Variants in USP6NL observed in about 807,000 individuals in gnomAD.
USP6NL encodes the protein USP6 N-terminal like, also known as USP6 N-terminal-like protein.
USP6NL carries 26 observed loss-of-function variants against 61.9 expected under a neutral mutation model. That is an observed-to-expected ratio of 0.42 (90% CI 0.31 to 0.58). The LOEUF is 0.58. Among genes scored for constraint, USP6NL ranks in the 20% least tolerant of loss-of-function variants. The pLI, the probability that USP6NL is intolerant of heterozygous loss-of-function variation, is 0.16. For synonymous variants in USP6NL, 432 were observed against 390.1 expected (o/e 1.11, Z -1.27); for missense variants, 1,114 against 1,034.3 (o/e 1.08, Z -1.06).
In USP6NL at chr10:11,561,827, C is replaced by A. The variant is rs546065052; in HGVS notation, c.5-34260G>T. Among the ~76,000 whole-genome samples the A allele has an allele frequency of 1.3e-5, 2 of 152,298 alleles. No homozygotes were observed. Among genetic ancestry groups the A allele is most frequent in the Admixed American group, 6.5e-5 (1 of 15,296 alleles). On this transcript the variant is annotated intron_variant, in intron 2 of 14. Coordinates refer to ENST00000609104, the MANE Select transcript of USP6NL (RefSeq NM_014688.5). The surrounding 1 kb of genome is among the most constrained non-coding windows in gnomAD (Gnocchi z 4.1). The stretch of plus-strand genomic sequence containing the variant: ...TGTTCTCTTACCAACAATATGTGAG[C>A]ACCTTTTTCATCACATTGAATACTG...
rs61844570 is a variant in USP6NL at position 11,537,120 on chromosome 10, G to T, written c.5-9553C>A. Among the ~76,000 whole-genome samples, 1 of 129,504 alleles carries T rather than the reference G, an allele frequency of 7.7e-6. No homozygotes were observed. Among genetic ancestry groups the T allele is most frequent in the Admixed American group, 8.1e-5 (1 of 12,278 alleles). 85.0% of individuals were successfully genotyped at this position (129,504 alleles called of 152,430 possible). On this transcript the variant is annotated intron_variant, in intron 2 of 14. Coordinates refer to ENST00000609104, the MANE Select transcript of USP6NL (RefSeq NM_014688.5). This position sits in a 1 kb window ranked among gnomAD's most constrained non-coding sequence, Gnocchi z 5.1. ...CCAGGTTTTGTTTTTGGGGGATTTT[G>T]TTTGTTTTGAGACAAGGTCTCACTC...
In USP6NL at chr10:11,490,850, G is replaced by GGCA; in HGVS notation, c.522_524dup (p.Ala175dup). 1 of 1,552,106 alleles carries GGCA rather than the reference G, an allele frequency of 6.4e-7. No individual in the cohort carries two copies. The highest frequency in any genetic ancestry group is 8.7e-7 in the Non-Finnish European group (1 of 1,148,688). On this transcript the variant is annotated inframe_insertion, in exon 9 of 15. Transcript: ENST00000609104. This position sits in a 1 kb window ranked among gnomAD's most constrained non-coding sequence, Gnocchi z 4.5. ...AACTTACCGTGTTATAAATAGAATA[G>GGCA]GCAGCAAGCACATGGAATAAGGATT... is the stretch of plus-strand genomic sequence containing the variant.
At chr10:11,502,504 G>A (rs1834243965) in intron 6 of USP6NL, among the ~76,000 whole-genome samples, 1 of 152,138 alleles carries the variant, frequency 6.6e-6, no homozygotes, top group Non-Finnish European at 1.5e-5. Flanking sequence ...TATAGCAGAA[G>A]CCCTTCAGGT....
chr10:11,525,961 A>T lies in USP6NL; in HGVS notation c.73-493T>A, dbSNP rs1245625603. 6.6e-6 allele frequency among the ~76,000 whole-genome samples: 1 copy of T among 152,150 alleles called. No individual in the cohort carries two copies. Among genetic ancestry groups the T allele is most frequent in the Non-Finnish European group, 1.5e-5 (1 of 68,016 alleles). ...TGAAACTACTCTTGCCAAAGTCAAA[A>T]ATGACCTTCCAGCAGTCAGACCTGC... On this transcript the variant is annotated intron_variant, in intron 3 of 14. Transcript: ENST00000609104. The surrounding 1 kb of genome is among the most constrained non-coding windows in gnomAD (Gnocchi z 5.0).
intron 2 of USP6NL, among the ~76,000 whole-genome samples, chr10:11,556,931 C>A (rs764053258): frequency 3.2e-4 from 49 of 152,184 alleles, no homozygotes; most frequent in Non-Finnish European, 2.4e-4. Context: ...TACCAGCCAA[C>A]TGAGGACCTG....
intron 2 of USP6NL, among the ~76,000 whole-genome samples, chr10:11,590,046 C>T (rs2133638562): frequency 6.6e-6 from 1 of 152,284 alleles, no homozygotes; most frequent in East Asian, 1.9e-4. Context: ...TTCTGGGCCA[C>T]ATTCATGATA....
chr10:11,463,249 T>C lies in USP6NL; in HGVS notation c.1679A>G (p.Asp560Gly), dbSNP rs746050192. 34 of 1,613,548 alleles carry C rather than the reference T, an allele frequency of 2.1e-5. No homozygotes were observed. Among genetic ancestry groups the C allele is most frequent in the Middle Eastern group, 1.6e-4 (1 of 6,084 alleles). The change falls in exon 15 of 15, where the codon GAC (aspartate) becomes GGC (glycine). Residue 560 changes from aspartate (D) to glycine (G), a missense_variant. Transcript: ENST00000609104. This position sits in a 1 kb window ranked among gnomAD's most constrained non-coding sequence, Gnocchi z 6.3. ...QYDNVPGPEL[D>G]SGASVEEALE... ...CGCCTCCTCCACGGAAGCGCCGCTG[T>C]CCAGCTCCGGGCCTGGCACGTTGTC...
chr10:11,556,926 G>A (rs1293753307), intron 2 of USP6NL, among the ~76,000 whole-genome samples: 1 of 152,150 alleles, frequency 6.6e-6, no homozygotes, highest in Non-Finnish European at 1.5e-5. Context: ...AAGGGTACCA[G>A]CCAACTGAGG....
Position 11,463,861 on chromosome 10 carries a change from G to A in USP6NL, c.1079-12C>T, listed in dbSNP as rs1319550658. On this transcript the variant is annotated splice_polypyrimidine_tract_variant and intron_variant, in intron 14 of 14. Coordinates refer to ENST00000609104, the MANE Select transcript of USP6NL (RefSeq NM_014688.5). This position sits in a 1 kb window ranked among gnomAD's most constrained non-coding sequence, Gnocchi z 6.3. ...TTCATCCTCTTTACCTGAAAAGAAA[G>A]AGAAAGGCTAAGTAAGATAATACAC... is the stretch of plus-strand genomic sequence containing the variant. 25 of 1,457,034 alleles carry A rather than the reference G, an allele frequency of 1.7e-5. No individual in the cohort carries two copies. In the East Asian group the frequency reaches 2.7e-4, roughly 16 times the overall value. The allele number at this position is 1,457,034 out of a possible 1,614,324, so 90.3% of individuals were successfully genotyped here. A position where few individuals can be genotyped will look rare whatever the true frequency, so the allele number is the denominator to read the frequency against.
intron 6 of USP6NL, among the ~76,000 whole-genome samples, chr10:11,508,166 C>CT (rs1198496456): frequency 3.3e-5 from 3 of 89,684 alleles, no homozygotes; most frequent in Non-Finnish European, 7.0e-5. Context: ...GTTAGATTTC[C>CT]TTTTTTTCCT....
intron 13 of USP6NL, among the ~76,000 whole-genome samples, chr10:11,483,213 G>A (rs1833278522): frequency 6.6e-6 from 1 of 151,974 alleles, no homozygotes; most frequent in Non-Finnish European, 1.5e-5. Flanking sequence ...ATACACAGCA[G>A]CAGATTTGTC....
intron 8 of USP6NL, among the ~76,000 whole-genome samples, chr10:11,492,554 G>A (rs1343728721): frequency 3.9e-5 from 6 of 152,142 alleles, no homozygotes; most frequent in Non-Finnish European, 4.4e-5. Context: ...CCTGCCCTGT[G>A]GATTTTGGCC....
rs1838680745 is a variant in USP6NL, at chr10:11,605,586, C to T, written c.-84+5857G>A. Among the ~76,000 whole-genome samples the T allele has an allele frequency of 2.0e-5, 3 of 152,250 alleles. No homozygotes were observed. The South Asian group carries it at 6.2e-4, about 32-fold the overall frequency. On this transcript the variant is annotated intron_variant, in intron 1 of 14. Coordinates refer to ENST00000609104, the MANE Select transcript of USP6NL (RefSeq NM_014688.5). The stretch of plus-strand genomic sequence containing the variant: ...AGCACTCTGGGACATAGTTACTATG[C>T]TTACTGCATCCACAGAAATATATGC...
chr10:11,500,983 G>T, intron 7 of USP6NL, 118 bp downstream of exon 7: 1 of 772,542 alleles, frequency 1.3e-6, no homozygotes. Flanking sequence ...CCTCCAATGC[G>T]ATAGAATTTT....
At position 11,490,832 on chromosome 10, in the gene USP6NL, C is replaced by T. The variant is rs1382565084; in HGVS notation, c.543G>A (p.Thr181=). The T allele has an allele frequency of 4.5e-6, 7 of 1,554,162 alleles. No individual in the cohort carries two copies. The highest frequency in any genetic ancestry group is 3.9e-5 in the Admixed American group (2 of 50,766). ...HVLAAYSIYN[T]EVGYCQGMSQ... The stretch of plus-strand genomic sequence containing the variant: ...CTTGGGCAGGCAGGCCCCAACTTAC[C>T]GTGTTATAAATAGAATAGGCAGCAA... The change falls in exon 9 of 15, where the codon ACG becomes ACA. Residue 181 remains threonine, a splice_region_variant and synonymous_variant. Coordinates refer to ENST00000609104, the MANE Select transcript of USP6NL (RefSeq NM_014688.5). This position sits in a 1 kb window ranked among gnomAD's most constrained non-coding sequence, Gnocchi z 4.5.
chr10:11,560,386 T>C (rs1836877262), intron 2 of USP6NL, among the ~76,000 whole-genome samples: 1 of 152,182 alleles, frequency 6.6e-6, no homozygotes, highest in African/African-American at 2.4e-5. Flanking sequence ...GTCTAACTTC[T>C]ATGCTTTAGA....
intron 2 of USP6NL, chr10:11,565,147 T>C (rs1239909533): frequency 6.6e-6 from 1 of 152,234 alleles, no homozygotes; most frequent in African/African-American, 2.4e-5. Context: ...GTCACTATCA[T>C]AGAAACAAAA....
Position 11,561,163 on chromosome 10 carries a change from A to T in USP6NL, c.5-33596T>A, listed in dbSNP as rs1411900051. Among the ~76,000 whole-genome samples the T allele has an allele frequency of 6.6e-6, 1 of 152,230 alleles. No individual in the cohort carries two copies. The highest frequency in any genetic ancestry group is 1.5e-5 in the Non-Finnish European group (1 of 68,036). On this transcript the variant is annotated intron_variant, in intron 2 of 14. Transcript: ENST00000609104. This position sits in a 1 kb window ranked among gnomAD's most constrained non-coding sequence, Gnocchi z 4.1. ...AGTAGTTTCATCCAGAATAGCTAAAATATGTTTGTGCTTTATACATCCAAA... is the reference window on the plus strand; with the variant it reads ...AGTAGTTTCATCCAGAATAGCTAAATTATGTTTGTGCTTTATACATCCAAA...
rs781713312 is a variant in USP6NL at position 11,462,572 on chromosome 10, C to T, written c.2356G>A (p.Val786Met). The change falls in exon 15 of 15, where the codon GTG becomes ATG. Residue 786 changes from valine to methionine, a missense_variant. Coordinates refer to ENST00000609104, the MANE Select transcript of USP6NL (RefSeq NM_014688.5). ...GLPAVSVDSPVRYKASPAAED... is the reference protein window; with the variant it reads ...GLPAVSVDSPMRYKASPAAED... ...GCGGCCGGTGAAGCTTTATATCTCA[C>T]GGGACTATCTACAGAAACTGCAGGG... 32 of 1,613,826 alleles carry T rather than the reference C, an allele frequency of 2.0e-5. No homozygotes were observed. The highest frequency in any genetic ancestry group is 2.7e-5 in the Non-Finnish European group (32 of 1,179,894).
Sources: gnomAD v4.1 joint callset for allele counts (sites outside exome capture counted in the v4.1 genomes callset) on GRCh38, gnomAD v4.1.1 for gene constraint, Gnocchi (gnomAD v3.1) non-coding constraint, MANE v1.5 for transcripts, NCBI Gene and HGNC (gene_info 2026-07-23, HGNC 2026-07-21) for gene names.